Variants in NRG3 observed in about 807,000 individuals in gnomAD.
NRG3 encodes pro-neuregulin-3, membrane-bound isoform.
NRG3 carries 31 observed loss-of-function variants against 66.9 expected under a neutral mutation model. The ratio of observed to expected loss-of-function variants is 0.46; its 90% CI spans 0.35 to 0.63. The LOEUF (loss-of-function observed/expected upper bound fraction) is 0.63. NRG3 is among the 20% of genes least tolerant of loss of function. The probability of loss-of-function intolerance (pLI) is 0.00; values close to 1 mark genes in which losing one functional copy is unlikely to be tolerated. For missense variants in NRG3, 910 were observed against 878.9 expected (o/e 1.04, Z -0.45); for synonymous variants, 393 against 359.4 (o/e 1.09, Z -1.06).
chr10:82,701,393 G>A (rs1057080629), intron 2 of NRG3, among the ~76,000 whole-genome samples: 17 of 151,946 alleles, frequency 1.1e-4, no homozygotes, highest in Non-Finnish European at 1.6e-4. Flanking sequence ...CCTGCCTCTC[G>A]CTTGATCAGA....
At chr10:81,987,065 A>C (rs147899861) in intron 1 of NRG3, among the ~76,000 whole-genome samples, 1 of 146,252 alleles carries the variant, frequency 6.8e-6, no homozygotes, top group African/African-American at 2.6e-5. Flanking sequence ...TATAGATGCC[A>C]TAGTGTGTGT....
At chr10:82,853,242 A>C (rs1375342714) in intron 3 of NRG3, among the ~76,000 whole-genome samples, 1 of 152,094 alleles carries the variant, frequency 6.6e-6, no homozygotes, top group Non-Finnish European at 1.5e-5. Context: ...AATTAGTATA[A>C]AGTTTTTGCT....
chr10:82,132,536 G>GATATATATATCATATATATATC (rs1564594023), intron 1 of NRG3, among the ~76,000 whole-genome samples: 1 of 66,040 alleles, frequency 1.5e-5, no homozygotes, highest in African/African-American at 9.1e-5. Context: ...ATATATATAT[G>GATATATATATCATATATATATC]ATATATATAT....
intron 2 of NRG3, among the ~76,000 whole-genome samples, chr10:82,566,794 A>T (rs538737950): frequency 2.4e-4 from 37 of 152,032 alleles, no homozygotes; most frequent in African/African-American, 7.5e-4. Flanking sequence ...TCAATAAAAA[A>T]TTTTTCTAAA....
At chr10:82,298,586 G>A (rs1203964847) in intron 1 of NRG3, among the ~76,000 whole-genome samples, 2 of 152,060 alleles carry the variant, frequency 1.3e-5, no homozygotes, top group African/African-American at 2.4e-5. Flanking sequence ...TAAAGAGTAA[G>A]TCTGAAGTTT....
chr10:82,551,930 T>C (rs1044972164), intron 2 of NRG3, among the ~76,000 whole-genome samples: 3 of 152,148 alleles, frequency 2.0e-5, no homozygotes. Flanking sequence ...TACATGTTCA[T>C]CCACCATTCT....
chr10:82,572,125 C>T (rs2133123925), intron 2 of NRG3, among the ~76,000 whole-genome samples: 1 of 151,764 alleles, frequency 6.6e-6, no homozygotes, highest in African/African-American at 2.4e-5. Flanking sequence ...TTTAAAAATT[C>T]TTCCTCCTTT....
At chr10:82,459,748 C>T (rs1412119737) in intron 2 of NRG3, among the ~76,000 whole-genome samples, 2 of 152,190 alleles carry the variant, frequency 1.3e-5, no homozygotes, top group Non-Finnish European at 2.9e-5. Flanking sequence ...TCAGCTTCTG[C>T]CAGCCATGAT....
At chr10:82,189,301 A>AT (rs2073996509) in intron 1 of NRG3, among the ~76,000 whole-genome samples, 1 of 152,148 alleles carries the variant, frequency 6.6e-6, no homozygotes, top group African/African-American at 2.4e-5. Flanking sequence ...TAAACATAAG[A>AT]TTTTTCAAAA....
intron 2 of NRG3, among the ~76,000 whole-genome samples, chr10:82,377,324 A>G (rs1339244440): frequency 6.6e-6 from 1 of 152,134 alleles, no homozygotes; most frequent in African/African-American, 2.4e-5. Context: ...CTTTGATTTC[A>G]CCAGAGCCTC....
At chr10:82,520,719 A>G (rs1846102604) in intron 2 of NRG3, among the ~76,000 whole-genome samples, 1 of 152,200 alleles carries the variant, frequency 6.6e-6, no homozygotes, top group Non-Finnish European at 1.5e-5. Flanking sequence ...CTCAAAATAT[A>G]TTGGTCATTC....
At chr10:82,644,516 A>G (rs1211323591) in intron 2 of NRG3, among the ~76,000 whole-genome samples, 1 of 152,144 alleles carries the variant, frequency 6.6e-6, no homozygotes, top group Non-Finnish European at 1.5e-5. Flanking sequence ...TCAAAATGTT[A>G]AAGATTTTAT....
chr10:82,542,762 T>C (rs1005370881), intron 2 of NRG3, among the ~76,000 whole-genome samples: 3 of 152,120 alleles, frequency 2.0e-5, no homozygotes, highest in Non-Finnish European at 4.4e-5. Context: ...CAAACCCAAA[T>C]TGAGGAAATA....
chr10:82,106,867 A>C (rs1248536517), intron 1 of NRG3, among the ~76,000 whole-genome samples: 2 of 152,278 alleles, frequency 1.3e-5, no homozygotes, highest in East Asian at 3.9e-4. Context: ...GCACTCTGCT[A>C]TAAGGTATCT....
chr10:82,218,367 G>A (rs768293538), intron 1 of NRG3, among the ~76,000 whole-genome samples: 9 of 152,164 alleles, frequency 5.9e-5, no homozygotes, highest in Non-Finnish European at 8.8e-5. Context: ...GGGAACTAAA[G>A]GTTAAAATGT....
At chr10:81,938,604 TTA>T (rs922739016) in intron 1 of NRG3, among the ~76,000 whole-genome samples, 1 of 144,354 alleles carries the variant, frequency 6.9e-6, no homozygotes, top group Non-Finnish European at 1.5e-5. Flanking sequence ...CTGAATTCGT[TTA>T]TGAGTTCTGA....
chr10:81,876,015 T>C lies in NRG3; in HGVS notation c.675T>C (p.Pro225=). ...TPSTQAMPSW[P]TAAYATSSYL... The stretch of plus-strand genomic sequence containing the variant: ...GTACCCAGGCAATGCCCTCCTGGCC[T>C]ACTGCGGCATACGCTACCTCCTCCT... Residue 225 remains proline, a synonymous_variant, in exon 1 of 9, where the codon CCT becomes CCC. Transcript: ENST00000372141. 1 of 1,614,030 alleles carries C rather than the reference T, an allele frequency of 6.2e-7. No homozygotes were observed. The highest frequency in any genetic ancestry group is 8.5e-7 in the Non-Finnish European group (1 of 1,180,024).
chr10:82,978,885 C>T, intron 7 of NRG3, 65 bp from the exon 8 acceptor site: 1 of 1,530,018 alleles, frequency 6.5e-7, no homozygotes, highest in Admixed American at 1.9e-5. Context: ...GAGCAGCCAC[C>T]TGTGAGGTTA....
chr10:82,965,817 A>G lies in NRG3; in HGVS notation c.1284+6742A>G, dbSNP rs138955721. The stretch of plus-strand genomic sequence containing the variant: ...TCATGGTCAGTCAGGCTAACTTTCC[A>G]GGAGGGTTGGTATAGGTGAACTGTT... On this transcript the variant is annotated intron_variant, in intron 6 of 8. Coordinates refer to ENST00000372141, the MANE Select transcript of NRG3 (RefSeq NM_001010848.4). 2.6e-5 allele frequency among the ~76,000 whole-genome samples: 4 copies of G among 152,200 alleles called. No individual in the cohort carries two copies. The East Asian group carries it at 7.7e-4, about 29-fold the overall frequency.
Sources: gnomAD v4.1 joint callset for allele counts (sites outside exome capture counted in the v4.1 genomes callset) on GRCh38, gnomAD v4.1.1 for gene constraint, MANE v1.5 for transcripts, NCBI Gene and HGNC (gene_info 2026-07-23, HGNC 2026-07-21) for gene names.